The following TMPRSS15 variants were observed in gnomAD, a reference collection of about 807,000 sequenced individuals.
The protein encoded by TMPRSS15 is transmembrane serine protease 15.
In TMPRSS15, 128 loss-of-function variants were observed where a neutral mutation model predicts 125.3. That is an observed-to-expected ratio of 1.02 (90% CI 0.89 to 1.18). The LOEUF (loss-of-function observed/expected upper bound fraction) is 1.18, where lower values mean the gene tolerates loss of function less well. Ranked by LOEUF, TMPRSS15 falls within the 50% of genes most tolerant of loss-of-function variation. The pLI is 0.00. For synonymous variants in TMPRSS15, 446 were observed against 423.2 expected (o/e 1.05, Z -0.66); for missense variants, 1,283 against 1,212.7 (o/e 1.06, Z -0.86).
At chr21:18,458,417 G>A (rs1386840596) in intron 1 of TMPRSS15, among the ~76,000 whole-genome samples, 1 of 152,152 alleles carries the variant, frequency 6.6e-6, no homozygotes, top group African/African-American at 2.4e-5. Flanking sequence ...CCAGAACTGT[G>A]TTAGGTCTTT....
intron 7 of TMPRSS15, 100 bp downstream of exon 7, chr21:18,365,040 G>T: frequency 9.9e-7 from 1 of 1,006,364 alleles, no homozygotes. Context: ...CATAGTTAAT[G>T]AAAACAATGA....
At chr21:18,310,668 C>G (rs1238677396) in intron 18 of TMPRSS15, among the ~76,000 whole-genome samples, 2 of 151,754 alleles carry the variant, frequency 1.3e-5, no homozygotes, top group Non-Finnish European at 2.9e-5. Context: ...TAATGCAATC[C>G]CTATCAAAAC....
intron 1 of TMPRSS15, among the ~76,000 whole-genome samples, chr21:18,434,759 A>G (rs1190432016): frequency 6.6e-6 from 1 of 152,084 alleles, no homozygotes; most frequent in Non-Finnish European, 1.5e-5. Context: ...TGAAATAGAA[A>G]TTACATATTT....
chr21:18,326,155 AAC>A (rs1445833131), intron 16 of TMPRSS15, among the ~76,000 whole-genome samples: 1 of 152,186 alleles, frequency 6.6e-6, no homozygotes, highest in Non-Finnish European at 1.5e-5. Flanking sequence ...TTTAACATTT[AAC>A]ATGGCCCTCT....
intron 18 of TMPRSS15, among the ~76,000 whole-genome samples, chr21:18,304,785 A>C (rs2075012278): frequency 6.6e-6 from 1 of 152,130 alleles, no homozygotes; most frequent in African/African-American, 2.4e-5. Flanking sequence ...TGGATTTAAA[A>C]ATTTTTGATA....
At chr21:18,451,452 G>T (rs1045824927) in intron 1 of TMPRSS15, among the ~76,000 whole-genome samples, 1 of 151,714 alleles carries the variant, frequency 6.6e-6, no homozygotes. Flanking sequence ...ACAAATACAT[G>T]CAGTTTTAAA....
At chr21:18,484,322 G>A (rs547900083) in intron 1 of TMPRSS15, among the ~76,000 whole-genome samples, 3 of 151,766 alleles carry the variant, frequency 2.0e-5, no homozygotes, top group Non-Finnish European at 4.4e-5. Context: ...CTCCCACAGT[G>A]CCTTTTATCT....
At chr21:18,345,197 C>T (rs1289690820) in intron 10 of TMPRSS15, among the ~76,000 whole-genome samples, 2 of 152,132 alleles carry the variant, frequency 1.3e-5, no homozygotes, top group Admixed American at 1.3e-4. Context: ...GTATGACAAA[C>T]TGTTAATAAT....
chr21:18,415,541 C>T (rs1161159033), intron 1 of TMPRSS15, among the ~76,000 whole-genome samples: 1 of 152,008 alleles, frequency 6.6e-6, no homozygotes, highest in Non-Finnish European at 1.5e-5. Context: ...TGGTGTTAGG[C>T]AGAGATCTAT....
chr21:18,332,882 G>A (rs901568898), intron 13 of TMPRSS15, among the ~76,000 whole-genome samples: 3 of 152,130 alleles, frequency 2.0e-5, no homozygotes, highest in African/African-American at 4.8e-5. Context: ...AGAAAAGGTG[G>A]TACATATATA....
chr21:18,310,105 T>C (rs1025291232), intron 18 of TMPRSS15, among the ~76,000 whole-genome samples: 12 of 152,188 alleles, frequency 7.9e-5, no homozygotes, highest in Admixed American at 6.5e-4. Flanking sequence ...TAGTTAACAA[T>C]ATATTAACAG....
At chr21:18,451,529 A>G (rs1002414202) in intron 1 of TMPRSS15, among the ~76,000 whole-genome samples, 9 of 152,288 alleles carry the variant, frequency 5.9e-5, no homozygotes, top group African/African-American at 2.2e-4. Context: ...TTTCAGCAAC[A>G]AGAAGCATTG....
At chr21:18,472,157 T>C (rs1233604851) in intron 1 of TMPRSS15, among the ~76,000 whole-genome samples, 1 of 152,086 alleles carries the variant, frequency 6.6e-6, no homozygotes, top group East Asian at 1.9e-4. Context: ...AAATAATTGT[T>C]GCATCAGAAA....
chr21:18,480,146 C>G (rs935435913), intron 1 of TMPRSS15, among the ~76,000 whole-genome samples: 1 of 151,960 alleles, frequency 6.6e-6, no homozygotes, highest in South Asian at 2.1e-4. Context: ...GAACAGAAAA[C>G]CAAACACCAC....
chr21:18,282,689 A>G (rs963727723), intron 21 of TMPRSS15, among the ~76,000 whole-genome samples: 1 of 152,236 alleles, frequency 6.6e-6, no homozygotes. Context: ...CTTGGTGCCA[A>G]GTGCAATACC....
chr21:18,441,522 A>C (rs1263570628), intron 1 of TMPRSS15, among the ~76,000 whole-genome samples: 1 of 147,704 alleles, frequency 6.8e-6, no homozygotes, highest in Non-Finnish European at 1.5e-5. Flanking sequence ...CAGAAGAATC[A>C]CTTGAACCTA....
chr21:18,358,903 G>A (rs142493098), intron 8 of TMPRSS15, among the ~76,000 whole-genome samples: 3 of 151,918 alleles, frequency 2.0e-5, no homozygotes, highest in Non-Finnish European at 4.4e-5. Flanking sequence ...TTTTCATTAC[G>A]TATAAATACA....
At chr21:18,476,028 T>C (rs989229556) in intron 1 of TMPRSS15, among the ~76,000 whole-genome samples, 1 of 152,184 alleles carries the variant, frequency 6.6e-6, no homozygotes, top group East Asian at 1.9e-4. Flanking sequence ...TAAGTATTAA[T>C]GAGAATTGTA....
At chr21:18,363,292 A>G (rs2075694739) in intron 7 of TMPRSS15, among the ~76,000 whole-genome samples, 1 of 152,112 alleles carries the variant, frequency 6.6e-6, no homozygotes, top group African/African-American at 2.4e-5. Context: ...TTTATCAATC[A>G]TAGATTTCTT....
Sources: allele counts gnomAD v4.1 joint callset (sites outside exome capture counted in the v4.1 genomes callset), GRCh38; gene constraint gnomAD v4.1.1; transcripts MANE v1.5; gene names NCBI Gene and HGNC (gene_info 2026-07-23, HGNC 2026-07-21).